The following MACROD2 variants were observed in gnomAD, a reference collection of about 807,000 sequenced individuals.
MACROD2 encodes the protein mono-ADP ribosylhydrolase 2, also known as ADP-ribose glycohydrolase MACROD2.
A neutral mutation model predicts 70.4 loss-of-function variants in MACROD2; 36 were observed. The ratio of observed to expected loss-of-function variants is 0.51; its 90% CI spans 0.39 to 0.68. The LOEUF is 0.68. MACROD2 is among the 30% of genes least tolerant of loss of function. The probability of loss-of-function intolerance (pLI) is 0.00; values close to 1 mark genes in which losing one functional copy is unlikely to be tolerated. For missense variants in MACROD2, 496 were observed against 538.4 expected (o/e 0.92, Z 0.78); for synonymous variants, 172 against 178.8 (o/e 0.96, Z 0.30).
chr20:14,311,767 C>A (rs974666897), intron 3 of MACROD2, among the ~76,000 whole-genome samples: 6 of 152,298 alleles, frequency 3.9e-5, no homozygotes, highest in East Asian at 1.9e-4. Context: ...ATCCACCCCC[C>A]ATGGCCTCCC....
intron 3 of MACROD2, among the ~76,000 whole-genome samples, chr20:14,415,118 T>G (rs2122876822): frequency 6.6e-6 from 1 of 152,322 alleles, no homozygotes; most frequent in South Asian, 2.1e-4. Context: ...AATAAACATT[T>G]GTTGAAGGAA....
chr20:15,739,691 C>A (rs898635126), intron 8 of MACROD2, among the ~76,000 whole-genome samples: 1 of 152,062 alleles, frequency 6.6e-6, no homozygotes, highest in African/African-American at 2.4e-5. Flanking sequence ...TGTATAGACT[C>A]CTTTATGAAA....
intron 3 of MACROD2, among the ~76,000 whole-genome samples, chr20:14,240,210 A>G (rs2081916505): frequency 6.6e-6 from 1 of 152,210 alleles, no homozygotes; most frequent in African/African-American, 2.4e-5. Flanking sequence ...AAGGTTGTAG[A>G]GTAAAGGGAA....
At chr20:15,892,781 C>T (rs888566030) in intron 10 of MACROD2, 4 of 392,772 alleles carry the variant, frequency 1.0e-5, no homozygotes, top group Admixed American at 8.9e-5. Flanking sequence ...GCCAGAATTT[C>T]GCTCAGCCAT....
chr20:14,579,416 C>A (rs1267511086), intron 4 of MACROD2, among the ~76,000 whole-genome samples: 1 of 152,142 alleles, frequency 6.6e-6, no homozygotes, highest in Non-Finnish European at 1.5e-5. Flanking sequence ...GCTGGGATTA[C>A]AGGCGTGAGC....
intron 8 of MACROD2, among the ~76,000 whole-genome samples, chr20:15,674,551 C>A (rs2050028470): frequency 1.3e-5 from 2 of 152,090 alleles, no homozygotes; most frequent in Admixed American, 1.3e-4. Flanking sequence ...CCTTCTCAGT[C>A]CCCATAACTC....
At chr20:14,154,572 T>A (rs1401049270) in intron 3 of MACROD2, among the ~76,000 whole-genome samples, 3 of 125,264 alleles carry the variant, frequency 2.4e-5, no homozygotes, top group African/African-American at 2.9e-5. Context: ...TTTTTTTTTT[T>A]TTTTTTTTTT....
intron 4 of MACROD2, among the ~76,000 whole-genome samples, chr20:14,539,434 A>C (rs2085404384): frequency 1.3e-5 from 2 of 152,116 alleles, no homozygotes; most frequent in African/African-American, 4.8e-5. Context: ...TGGTAGAAGA[A>C]GGGAGAGTGT....
intron 5 of MACROD2, among the ~76,000 whole-genome samples, chr20:15,073,843 C>G (rs564348419): frequency 3.2e-4 from 48 of 152,142 alleles, no homozygotes; most frequent in African/African-American, 1.1e-3. Context: ...TTAGTGTTTC[C>G]CTTGTTAATG....
At chr20:15,202,666 C>A (rs1316303598) in intron 5 of MACROD2, among the ~76,000 whole-genome samples, 1 of 152,110 alleles carries the variant, frequency 6.6e-6, no homozygotes, top group Non-Finnish European at 1.5e-5. Flanking sequence ...GTTCCTACAA[C>A]TCAAGTGGGA....
intron 15 of MACROD2, among the ~76,000 whole-genome samples, chr20:16,025,163 C>A (rs2067059812): frequency 6.6e-6 from 1 of 152,136 alleles, no homozygotes; most frequent in Non-Finnish European, 1.5e-5. Context: ...GGGAAAGTTT[C>A]TTGAACTGTC....
chr20:15,616,149 C>T (rs1410001811), intron 8 of MACROD2, among the ~76,000 whole-genome samples: 1 of 143,496 alleles, frequency 7.0e-6, no homozygotes, highest in Non-Finnish European at 1.5e-5. Flanking sequence ...GTCACCCGGG[C>T]CTGGAGTGCA....
intron 5 of MACROD2, among the ~76,000 whole-genome samples, chr20:15,096,710 C>G (rs2075835341): frequency 6.6e-6 from 1 of 151,536 alleles, no homozygotes; most frequent in African/African-American, 2.4e-5. Context: ...CAAGCTTTCA[C>G]CATGTTGACC....
At chr20:14,861,987 A>ATATTTATATATATATTTATG (rs1568838529) in intron 5 of MACROD2, among the ~76,000 whole-genome samples, 7 of 64,860 alleles carry the variant, frequency 1.1e-4, no homozygotes, top group African/African-American at 4.8e-4. Context: ...ATATATATAT[A>ATATTTATATATATATTTATG]TATATTTATA....
chr20:14,800,324 T>C (rs1344065963), intron 5 of MACROD2, among the ~76,000 whole-genome samples: 1 of 152,030 alleles, frequency 6.6e-6, no homozygotes, highest in Non-Finnish European at 1.5e-5. Context: ...TTCCAATTAT[T>C]TTAGAGTGTA....
intron 10 of MACROD2, among the ~76,000 whole-genome samples, chr20:15,901,735 C>G (rs149643488): frequency 6.0e-4 from 92 of 152,358 alleles, no homozygotes; most frequent in African/African-American, 2.1e-3. Flanking sequence ...TTCTCAATCT[C>G]TACTTAACTG....
At chr20:14,476,858 A>G (rs755089393) in intron 3 of MACROD2, among the ~76,000 whole-genome samples, 76 of 152,226 alleles carry the variant, frequency 5.0e-4, no homozygotes, top group Non-Finnish European at 8.4e-4. Context: ...GTTTCTTTGT[A>G]TTAAAACACA....
chr20:15,190,919 G>A (rs886195850), intron 5 of MACROD2, among the ~76,000 whole-genome samples: 2 of 152,152 alleles, frequency 1.3e-5, no homozygotes, highest in African/African-American at 4.8e-5. Context: ...GTCTGGATGG[G>A]TTGGTTTGGA....
At chr20:15,128,388 G>A (rs933559399) in intron 5 of MACROD2, among the ~76,000 whole-genome samples, 10 of 152,044 alleles carry the variant, frequency 6.6e-5, no homozygotes, top group Non-Finnish European at 1.2e-4. Flanking sequence ...GACAGTAGGA[G>A]ACTAAAACTT....
Sources: gnomAD v4.1 joint callset for allele counts (sites outside exome capture counted in the v4.1 genomes callset) on GRCh38, gnomAD v4.1.1 for gene constraint, MANE v1.5 for transcripts, NCBI Gene and HGNC (gene_info 2026-07-23, HGNC 2026-07-21) for gene names.